The following BCL2L14 variants were observed in gnomAD, a reference collection of about 807,000 sequenced individuals.
The protein encoded by BCL2L14 is apoptosis facilitator Bcl-2-like protein 14.
Under a neutral mutation model 35.3 loss-of-function variants are expected in BCL2L14, and 27 were observed. The ratio of observed to expected loss-of-function variants is 0.76; its 90% CI spans 0.56 to 1.05. BCL2L14 has a LOEUF of 1.05. BCL2L14 is among the 50% of genes least tolerant of loss of function. The probability of loss-of-function intolerance (pLI) is 0.00; values close to 1 mark genes in which losing one functional copy is unlikely to be tolerated. For synonymous variants in BCL2L14, 139 were observed against 145.9 expected (o/e 0.95, Z 0.34); for missense variants, 377 against 382.6 (o/e 0.99, Z 0.12).
intron 2 of BCL2L14, among the ~76,000 whole-genome samples, chr12:12,060,931 AGGGT>A (rs1268736404): frequency 2.0e-5 from 1 of 50,112 alleles, no homozygotes. Context: ...CTCACAGTGG[AGGGT>A]AAGCCCGTCC....
rs1949341066 is a variant in BCL2L14, at chr12:12,097,473, G to A, written c.946-1477G>A. On this transcript the variant is annotated intron_variant, in intron 5 of 5. Transcript: ENST00000308721. ...CTGTATGATTCCATGTATATGAAGT[G>A]TCCAGAATAGGCAAATGTATAGATA... Among the ~76,000 whole-genome samples the A allele has an allele frequency of 2.0e-5, 3 of 152,228 alleles. No individual in the cohort carries two copies. The South Asian group carries it at 6.2e-4, about 32-fold the overall frequency.
chr12:12,073,821 A>G (rs1379682209), intron 1 of BCL2L14, among the ~76,000 whole-genome samples: 1 of 152,128 alleles, frequency 6.6e-6, no homozygotes, highest in Non-Finnish European at 1.5e-5. Context: ...CAAAAGCCTC[A>G]TGAATCCTCT....
upstream of BCL2L14, among the ~76,000 whole-genome samples, chr12:12,068,867 C>T (rs985845624): frequency 6.6e-6 from 1 of 152,076 alleles, no homozygotes; most frequent in Non-Finnish European, 1.5e-5. Context: ...GTGGCATGGG[C>T]TGTTTGATTG....
chr12:12,074,885 C>G (rs1229467664), intron 1 of BCL2L14, among the ~76,000 whole-genome samples: 2 of 152,108 alleles, frequency 1.3e-5, no homozygotes, highest in Non-Finnish European at 2.9e-5. Context: ...TCAAGTGATC[C>G]TCCCACCTTG....
chr12:12,052,369 C>A (rs2448037), intron 2 of BCL2L14, among the ~76,000 whole-genome samples: 133,095 of 150,494 alleles, frequency 0.88, 58,325 homozygotes, highest in East Asian at 0.98. Flanking sequence ...GTAGCCTTTT[C>A]CCAACCACCG....
At chr12:12,096,237 C>A (rs1949309224) in intron 5 of BCL2L14, 1 of 872,666 alleles carries the variant, frequency 1.1e-6, no homozygotes, top group Non-Finnish European at 1.4e-6. Flanking sequence ...AATATATTTT[C>A]TCAGAGAAAT....
intron 2 of BCL2L14, among the ~76,000 whole-genome samples, chr12:12,062,548 G>GC (rs1287890693): frequency 2.0e-5 from 3 of 148,570 alleles, no homozygotes; most frequent in Non-Finnish European, 4.5e-5. Flanking sequence ...GATTATTCAG[G>GC]TCCCCTCCCT....
intron 2 of BCL2L14, among the ~76,000 whole-genome samples, chr12:12,086,544 A>G (rs7297825): frequency 0.019 from 2,913 of 150,420 alleles, 95 homozygotes; most frequent in African/African-American, 0.066. Context: ...ATGCAAATAC[A>G]TGACGTAACT....
chr12:12,081,345 C>T (rs968534833), intron 2 of BCL2L14, among the ~76,000 whole-genome samples: 4 of 151,268 alleles, frequency 2.6e-5, no homozygotes, highest in Non-Finnish European at 5.9e-5. Flanking sequence ...GTCCCAGCTA[C>T]TATGGAGGCT....
intron 3 of BCL2L14, among the ~76,000 whole-genome samples, chr12:12,088,051 T>C (rs996642700): frequency 6.6e-6 from 1 of 151,868 alleles, no homozygotes; most frequent in Non-Finnish European, 1.5e-5. Flanking sequence ...ACAGTGGAGG[T>C]TGTGATGACG....
chr12:12,054,285 C>T (rs909115656), intron 2 of BCL2L14, among the ~76,000 whole-genome samples: 2 of 152,088 alleles, frequency 1.3e-5, no homozygotes, highest in African/African-American at 4.8e-5. Context: ...GGTGGATCAC[C>T]TGAAGTCAGG....
Position 12,095,708 on chromosome 12 carries a change from T to C in BCL2L14, c.945+778T>C, listed in dbSNP as rs74512772. On this transcript the variant is annotated intron_variant, in intron 5 of 5. Coordinates refer to ENST00000308721, the MANE Select transcript of BCL2L14 (RefSeq NM_138723.2). ...AATGGTCCAGGGGCCAGCAGGAGGA[T>C]TGAGTCGGCTCTAGGCATGGCTGGA... The C allele has an allele frequency of 1.4e-3, 1,373 of 985,364 alleles. 25 individuals are homozygous for C. The African/African-American group carries it at 0.023, about 16-fold the overall frequency. The allele number at this position is 985,364 out of a possible 1,614,324, so 61.0% of individuals were successfully genotyped here. A position where few individuals can be genotyped will look rare whatever the true frequency, so the allele number is the denominator to read the frequency against.
At chr12:12,056,828 C>T (rs1948440199) in intron 2 of BCL2L14, among the ~76,000 whole-genome samples, 1 of 152,138 alleles carries the variant, frequency 6.6e-6, no homozygotes, top group African/African-American at 2.4e-5. Flanking sequence ...AAGAGCGAAA[C>T]TCCATCTCAA....
At chr12:12,055,899 G>A (rs1311496114) in intron 2 of BCL2L14, 1 of 152,166 alleles carries the variant, frequency 6.6e-6, no homozygotes, top group African/African-American at 2.4e-5. Flanking sequence ...ACTTTAGTCA[G>A]GTTCCTCTGA....
At chr12:12,092,460 C>T (rs1001864250) in intron 4 of BCL2L14, among the ~76,000 whole-genome samples, 2 of 152,094 alleles carry the variant, frequency 1.3e-5, no homozygotes, top group African/African-American at 4.8e-5. Context: ...TGCAGAGTGC[C>T]GTGTGTGTGG....
intron 2 of BCL2L14, among the ~76,000 whole-genome samples, chr12:12,052,487 C>T (rs1318177935): frequency 6.6e-6 from 1 of 152,204 alleles, no homozygotes; most frequent in Non-Finnish European, 1.5e-5. Flanking sequence ...TCTTTCTGTG[C>T]CTGGCTTATT....
intron 2 of BCL2L14, among the ~76,000 whole-genome samples, chr12:12,080,842 G>T (rs1948905020): frequency 6.6e-6 from 1 of 152,064 alleles, no homozygotes; most frequent in Admixed American, 6.6e-5. Flanking sequence ...CAACTGAGAA[G>T]CATTTAGACA....
At chr12:12,090,658 AAAG>A (rs371099551) in intron 3 of BCL2L14, 118 bp from the exon 4 acceptor site, 3 of 631,550 alleles carry the variant, frequency 4.8e-6, no homozygotes, top group South Asian at 2.6e-5. Context: ...AAAAAAAAAA[AAAG>A]AATTAGCATG....
chr12:12,087,483 C>T lies in BCL2L14; in HGVS notation c.607+97C>T, dbSNP rs984565696. 25 of 1,351,804 alleles carry T rather than the reference C, an allele frequency of 1.8e-5. No individual in the cohort carries two copies. The South Asian group carries it at 2.7e-4, about 15-fold the overall frequency. The allele number at this position is 1,351,804 out of a possible 1,614,324, so 83.7% of individuals were successfully genotyped here. A position where few individuals can be genotyped will look rare whatever the true frequency, so the allele number is the denominator to read the frequency against. On this transcript the variant is annotated intron_variant, in intron 3 of 5. Coordinates refer to ENST00000308721, the MANE Select transcript of BCL2L14 (RefSeq NM_138723.2). ...CAGGGCTCGGCAACTTGACAGTCTCCGCTGCCTGGACTGAGGGCTTGACAG... is the reference window on the plus strand; with the variant it reads ...CAGGGCTCGGCAACTTGACAGTCTCTGCTGCCTGGACTGAGGGCTTGACAG...
Sources: gnomAD v4.1 joint callset for allele counts (sites outside exome capture counted in the v4.1 genomes callset) on GRCh38, gnomAD v4.1.1 for gene constraint, MANE v1.5 for transcripts, NCBI Gene and HGNC (gene_info 2026-07-23, HGNC 2026-07-21) for gene names.